The following NRG3 variants were observed in gnomAD, a reference collection of about 807,000 sequenced individuals.
The protein encoded by NRG3 is pro-neuregulin-3, membrane-bound isoform.
In NRG3, 31 loss-of-function variants were observed where a neutral mutation model predicts 66.9. The ratio of observed to expected loss-of-function variants is 0.46; its 90% CI spans 0.35 to 0.63. The LOEUF is 0.63. NRG3 is among the 20% of genes least tolerant of loss of function. NRG3 has a pLI of 0.00. For missense variants in NRG3, 910 were observed against 878.9 expected (o/e 1.04, Z -0.45); for synonymous variants, 393 against 359.4 (o/e 1.09, Z -1.06).
intron 1 of NRG3, among the ~76,000 whole-genome samples, chr10:82,142,922 GTTT>G (rs11286244): frequency 1.8e-4 from 22 of 118,932 alleles, no homozygotes; most frequent in Admixed American, 1.7e-4. Context: ...ACCTGGCTAA[GTTT>G]TTTTTTTTTT....
intron 2 of NRG3, among the ~76,000 whole-genome samples, chr10:82,590,535 C>T (rs2046921560): frequency 6.6e-6 from 1 of 152,108 alleles, no homozygotes; most frequent in South Asian, 2.1e-4. Context: ...TGGCTTCTAC[C>T]ACGGGCTTGT....
intron 3 of NRG3, among the ~76,000 whole-genome samples, chr10:82,865,034 A>G (rs1267051737): frequency 1.3e-5 from 2 of 152,236 alleles, no homozygotes; most frequent in Admixed American, 1.3e-4. Flanking sequence ...TTCATGTTGA[A>G]CAAATAGTTA....
At chr10:82,707,619 C>A (rs1204828643) in intron 2 of NRG3, among the ~76,000 whole-genome samples, 1 of 151,552 alleles carries the variant, frequency 6.6e-6, no homozygotes, top group Non-Finnish European at 1.5e-5. Flanking sequence ...CTCTCAAACT[C>A]CTGGCCTCAG....
intron 4 of NRG3, among the ~76,000 whole-genome samples, chr10:82,945,594 G>A (rs1848944787): frequency 6.6e-6 from 1 of 152,108 alleles, no homozygotes; most frequent in Admixed American, 6.5e-5. Context: ...AGAGGAAATT[G>A]AGCTGAATTC....
intron 1 of NRG3, among the ~76,000 whole-genome samples, chr10:81,960,266 A>G (rs1850226760): frequency 6.6e-6 from 1 of 152,196 alleles, no homozygotes; most frequent in South Asian, 2.1e-4. Context: ...AATTTAATTT[A>G]TTTATGTAAT....
intron 2 of NRG3, among the ~76,000 whole-genome samples, chr10:82,625,491 A>T (rs1402892450): frequency 1.3e-5 from 2 of 152,144 alleles, no homozygotes; most frequent in African/African-American, 2.4e-5. Context: ...AAAACATGAT[A>T]TTATAGCCTT....
intron 1 of NRG3, among the ~76,000 whole-genome samples, chr10:81,991,888 A>T (rs1447308664): frequency 1.3e-5 from 2 of 152,120 alleles, no homozygotes; most frequent in Non-Finnish European, 2.9e-5. Context: ...CCAAGAACCA[A>T]TAATTTCCAT....
chr10:81,946,729 A>G (rs1241881118), intron 1 of NRG3, among the ~76,000 whole-genome samples: 3 of 152,218 alleles, frequency 2.0e-5, no homozygotes, highest in Non-Finnish European at 4.4e-5. Context: ...TTATGAATAC[A>G]TGAGCTGTCC....
At chr10:82,875,202 C>A (rs967187453) in intron 4 of NRG3, among the ~76,000 whole-genome samples, 7 of 152,152 alleles carry the variant, frequency 4.6e-5, no homozygotes, top group African/African-American at 1.7e-4. Flanking sequence ...AAAGGCCTTA[C>A]TCATTTATCT....
At chr10:82,227,806 G>A (rs969361571) in intron 1 of NRG3, among the ~76,000 whole-genome samples, 3 of 152,120 alleles carry the variant, frequency 2.0e-5, no homozygotes, top group African/African-American at 7.2e-5. Context: ...CCACTTCTCT[G>A]TCACTTCTTG....
intron 1 of NRG3, among the ~76,000 whole-genome samples, chr10:82,266,500 C>A (rs1431346018): frequency 2.6e-5 from 4 of 152,132 alleles, no homozygotes; most frequent in African/African-American, 9.7e-5. Context: ...GACTGAGATT[C>A]TCAACAGTAA....
intron 1 of NRG3, among the ~76,000 whole-genome samples, chr10:82,195,378 A>G (rs1437339728): frequency 1.3e-5 from 2 of 152,178 alleles, no homozygotes; most frequent in East Asian, 3.8e-4. Context: ...ATCATAAACA[A>G]AACTCTCAGC....
chr10:82,383,098 C>T (rs2085731478), intron 2 of NRG3, among the ~76,000 whole-genome samples: 1 of 151,878 alleles, frequency 6.6e-6, no homozygotes. Flanking sequence ...ATTTGTGTAA[C>T]ACTGGTATTA....
At chr10:81,980,642 C>T (rs749578196) in intron 1 of NRG3, among the ~76,000 whole-genome samples, 6 of 152,238 alleles carry the variant, frequency 3.9e-5, no homozygotes, top group Middle Eastern at 3.4e-3. Context: ...TTTGCTAGCT[C>T]GAGTGCAAGC....
chr10:82,373,547 C>T (rs1394058660), intron 2 of NRG3, among the ~76,000 whole-genome samples: 1 of 152,152 alleles, frequency 6.6e-6, no homozygotes, highest in African/African-American at 2.4e-5. Flanking sequence ...GAGGCTCAGG[C>T]TAGTGTATCA....
intron 1 of NRG3, among the ~76,000 whole-genome samples, chr10:82,246,227 A>T (rs1230053824): frequency 3.9e-5 from 6 of 152,150 alleles, no homozygotes; most frequent in Non-Finnish European, 2.9e-5. Flanking sequence ...GACTTGGGGC[A>T]GTGACCATCT....
intron 3 of NRG3, among the ~76,000 whole-genome samples, chr10:82,854,214 T>C (rs919239807): frequency 6.6e-6 from 1 of 152,218 alleles, no homozygotes; most frequent in African/African-American, 2.4e-5. Flanking sequence ...TCATCATTCA[T>C]AGAAAAGTAG....
intron 1 of NRG3, among the ~76,000 whole-genome samples, chr10:82,146,095 A>C (rs1003580047): frequency 6.6e-6 from 1 of 152,194 alleles, no homozygotes; most frequent in African/African-American, 2.4e-5. Context: ...GCTGTTTATG[A>C]CAGCATCTGA....
At chr10:82,088,518 A>G (rs1423932869) in intron 1 of NRG3, among the ~76,000 whole-genome samples, 2 of 152,174 alleles carry the variant, frequency 1.3e-5, no homozygotes, top group African/African-American at 2.4e-5. Context: ...AAAGCCTTTC[A>G]TGCATAACTT....
Sources: allele counts gnomAD v4.1 joint callset (sites outside exome capture counted in the v4.1 genomes callset), GRCh38; gene constraint gnomAD v4.1.1; transcripts MANE v1.5; gene names NCBI Gene and HGNC (gene_info 2026-07-23, HGNC 2026-07-21).